RNF38: variants seen among roughly 807,000 people sequenced by gnomAD.
The protein encoded by RNF38 is E3 ubiquitin-protein ligase RNF38.
A neutral mutation model predicts 67.2 loss-of-function variants in RNF38; 15 were observed. The observed-to-expected ratio is 0.22, with a 90% CI of 0.15 to 0.34. The LOEUF is 0.34. Among genes scored for constraint, RNF38 ranks in the 10% least tolerant of loss-of-function variants. RNF38 has a pLI of 1.00. For missense variants in RNF38, 524 were observed against 639.9 expected (o/e 0.82, Z 1.95); for synonymous variants, 220 against 218.8 (o/e 1.01, Z -0.05).
At chr9:36,446,172 T>A (rs532782538) in intron 1 of RNF38, among the ~76,000 whole-genome samples, 2 of 152,292 alleles carry the variant, frequency 1.3e-5, no homozygotes, top group Admixed American at 1.3e-4. Flanking sequence ...TGCCCAAGCG[T>A]TAACTATGCC....
At chr9:36,415,243 C>CTT (rs1252229290) in intron 2 of RNF38, among the ~76,000 whole-genome samples, 1 of 151,966 alleles carries the variant, frequency 6.6e-6, no homozygotes, top group Non-Finnish European at 1.5e-5. Flanking sequence ...CAGTTTTTTT[C>CTT]TTTTTTGTCA....
rs780188025 is a variant in RNF38, at chr9:36,357,970, CTT to C, written c.571-30_571-29del. The C allele has an allele frequency of 4.4e-6, 7 of 1,591,182 alleles. No individual in the cohort carries two copies. In the South Asian group the frequency reaches 7.8e-5, roughly 18 times the overall value. On this transcript the variant is annotated intron_variant, in intron 4 of 11. Transcript: ENST00000259605. ...TTAAAGGAAAAAACAAATGAACAAACTTTAGCTGTTTAGATAAAATGTTAACT... is the reference window on the plus strand; with the variant it reads ...TTAAAGGAAAAAACAAATGAACAAACTAGCTGTTTAGATAAAATGTTAACT...
intron 2 of RNF38, among the ~76,000 whole-genome samples, chr9:36,423,688 G>A (rs1270192669): frequency 1.9e-4 from 5 of 25,662 alleles, no homozygotes; most frequent in Admixed American, 7.6e-4. Context: ...GGTGGCTCAC[G>A]CCTGTAATCC....
At chr9:36,481,318 A>T (rs1840257335) in intron 1 of RNF38, among the ~76,000 whole-genome samples, 1 of 152,118 alleles carries the variant, frequency 6.6e-6, no homozygotes, top group Admixed American at 6.6e-5. Context: ...CCAGCTAGTG[A>T]TAGCTTTTGA....
intron 1 of RNF38, among the ~76,000 whole-genome samples, chr9:36,471,862 T>TCACC (rs1840006528): frequency 6.6e-6 from 1 of 152,244 alleles, no homozygotes; most frequent in Non-Finnish European, 1.5e-5. Flanking sequence ...CCCAAGTAGC[T>TCACC]GGGATTACAG....
At chr9:36,360,879 C>T (rs936380954) in intron 4 of RNF38, among the ~76,000 whole-genome samples, 15 of 152,076 alleles carry the variant, frequency 9.9e-5, no homozygotes, top group African/African-American at 2.2e-4. Context: ...GGTGCCATCA[C>T]GGCTCACCAT....
intron 1 of RNF38, among the ~76,000 whole-genome samples, chr9:36,399,666 G>A (rs764685844): frequency 6.6e-6 from 1 of 151,834 alleles, no homozygotes; most frequent in Non-Finnish European, 1.5e-5. Flanking sequence ...ACATCTATAT[G>A]TATGTGGTTT....
chr9:36,397,375 A>G (rs1194362206), intron 1 of RNF38, among the ~76,000 whole-genome samples: 1 of 152,078 alleles, frequency 6.6e-6, no homozygotes, highest in Admixed American at 6.6e-5. Flanking sequence ...CGGCCTCCCA[A>G]AGTGCTGGGA....
chr9:36,478,230 C>T (rs906605828), intron 1 of RNF38, among the ~76,000 whole-genome samples: 3 of 151,174 alleles, frequency 2.0e-5, no homozygotes, highest in Non-Finnish European at 4.4e-5. Flanking sequence ...TGGTGAAACC[C>T]CATCTCTACT....
In RNF38 at chr9:36,483,170, G is replaced by C. The variant is rs1464419989; in HGVS notation, n.241+4138C>G. On this transcript the variant is annotated intron_variant and non_coding_transcript_variant, in intron 1 of 3. Transcript: ENST00000488058. Reference sequence around the variant, plus strand: ...GGAAGGCCGAGGCAGGCTGATCACAGAGGTCAGGAGTTTGAGACCAGCCTG... The same window carrying C: ...GGAAGGCCGAGGCAGGCTGATCACACAGGTCAGGAGTTTGAGACCAGCCTG... 2.6e-5 allele frequency among the ~76,000 whole-genome samples: 4 copies of C among 152,142 alleles called. No individual in the cohort carries two copies. The East Asian group carries it at 7.7e-4, about 29-fold the overall frequency.
chr9:36,349,796 C>T (rs1466886052), intron 9 of RNF38, among the ~76,000 whole-genome samples: 3 of 152,118 alleles, frequency 2.0e-5, no homozygotes, highest in Non-Finnish European at 2.9e-5. Flanking sequence ...TTAACTTTCA[C>T]GTATGGTGTA....
intron 2 of RNF38, among the ~76,000 whole-genome samples, chr9:36,415,661 G>C (rs761886282): frequency 6.6e-6 from 1 of 152,154 alleles, no homozygotes; most frequent in Non-Finnish European, 1.5e-5. Context: ...AAAGAGTCCT[G>C]TAATGTGATC....
chr9:36,386,430 A>G (rs947383361), intron 2 of RNF38, among the ~76,000 whole-genome samples: 2 of 152,248 alleles, frequency 1.3e-5, no homozygotes, highest in Admixed American at 6.5e-5. Context: ...TTTCTCTTTC[A>G]GAAACCTGGC....
intron 4 of RNF38, among the ~76,000 whole-genome samples, chr9:36,366,917 T>C (rs1835011840): frequency 6.6e-6 from 1 of 152,198 alleles, no homozygotes; most frequent in Non-Finnish European, 1.5e-5. Context: ...AAATTGCCCC[T>C]GCTTTCTAGG....
Position 36,337,124 on chromosome 9 carries a change from G to A in RNF38, c.*2628C>T, listed in dbSNP as rs532070600. The A allele has an allele frequency of 6.6e-6, 1 of 152,342 alleles. No homozygotes were observed. Among genetic ancestry groups the A allele is most frequent in the Non-Finnish European group, 1.5e-5 (1 of 68,038 alleles). 9.4% of individuals were successfully genotyped at this position (152,342 alleles called of 1,614,324 possible). ...AAGGCCAATGAACCAACATCTGCCT[G>A]CTATCTGGTGCATCACCCAAGGTGA... On this transcript the variant is annotated 3_prime_UTR_variant, in exon 12 of 12. Coordinates refer to ENST00000259605, the MANE Select transcript of RNF38 (RefSeq NM_022781.5).
chr9:36,410,919 T>G (rs936200758), intron 2 of RNF38, among the ~76,000 whole-genome samples: 1 of 152,000 alleles, frequency 6.6e-6, no homozygotes, highest in Non-Finnish European at 1.5e-5. Context: ...GAATTTCAGT[T>G]TAGGAAGATG....
rs539113846 is a variant in RNF38 at position 36,363,173 on chromosome 9, G to A, written c.571-5231C>T. Among the ~76,000 whole-genome samples, 3 of 99,524 alleles carry A rather than the reference G, an allele frequency of 3.0e-5. 1 individual carries two copies. In the South Asian group the frequency reaches 1.0e-3, roughly 35 times the overall value. The allele number at this position is 99,524 out of a possible 152,430, so 65.3% of individuals were successfully genotyped here. A position where few individuals can be genotyped will look rare whatever the true frequency, so the allele number is the denominator to read the frequency against. ...TACAATGGCACAATCACTTGGGCTC[G>A]AGGGATCCTCCAGCCTCCGCCTCCT... On this transcript the variant is annotated intron_variant, in intron 4 of 11. Transcript: ENST00000259605.
intron 1 of RNF38, among the ~76,000 whole-genome samples, chr9:36,450,896 C>T (rs1352117737): frequency 1.3e-5 from 2 of 152,054 alleles, no homozygotes; most frequent in Admixed American, 1.3e-4. Context: ...CCAAGCCCCA[C>T]AGGTTGAGGC....
chr9:36,482,236 A>T (rs1281024622), intron 1 of RNF38, among the ~76,000 whole-genome samples: 1 of 150,620 alleles, frequency 6.6e-6, no homozygotes, highest in East Asian at 1.9e-4. Flanking sequence ...TATTTTTAGT[A>T]GAAACAGGCT....
Sources: allele counts gnomAD v4.1 joint callset (sites outside exome capture counted in the v4.1 genomes callset), GRCh38; gene constraint gnomAD v4.1.1; transcripts MANE v1.5; gene names NCBI Gene and HGNC (gene_info 2026-07-23, HGNC 2026-07-21).